The following MIS18BP1 variants were observed in gnomAD, a reference collection of about 807,000 sequenced individuals.
MIS18BP1 encodes MIS18 binding protein 1.
In MIS18BP1, 72 loss-of-function variants were observed where a neutral mutation model predicts 116.1. The observed-to-expected ratio is 0.62, with a 90% CI of 0.51 to 0.75. MIS18BP1 has a LOEUF of 0.75. MIS18BP1 is among the 30% of genes least tolerant of loss of function. The pLI, the probability that MIS18BP1 is intolerant of heterozygous loss-of-function variation, is 0.00. For missense variants in MIS18BP1, 1,363 were observed against 1,303.2 expected (o/e 1.05, Z -0.71); for synonymous variants, 386 against 427.0 (o/e 0.90, Z 1.18).
intron 15 of MIS18BP1, 31 bp from the exon 16 acceptor site, chr14:45,204,484 G>A (rs369664186): frequency 9.2e-5 from 138 of 1,505,370 alleles, no homozygotes; most frequent in Non-Finnish European, 5.4e-6. Flanking sequence ...ATAGCTAAAT[G>A]GTACCTCCTG....
chr14:45,212,519 C>G (rs1025258905), intron 13 of MIS18BP1, among the ~76,000 whole-genome samples: 13 of 152,122 alleles, frequency 8.5e-5, no homozygotes, highest in African/African-American at 2.7e-4. Flanking sequence ...TTAACTGTGT[C>G]TCTAAAATAA....
chr14:45,229,656 A>C (rs1324018872), intron 8 of MIS18BP1, among the ~76,000 whole-genome samples: 2 of 152,228 alleles, frequency 1.3e-5, no homozygotes, highest in Non-Finnish European at 2.9e-5. Flanking sequence ...ATTAAGATCA[A>C]ATCCCTAATA....
intron 6 of MIS18BP1, among the ~76,000 whole-genome samples, chr14:45,233,869 TG>T (rs1891352900): frequency 6.6e-6 from 1 of 152,152 alleles, no homozygotes; most frequent in East Asian, 1.9e-4. Context: ...GAAAATGAAT[TG>T]GGTACTAAGG....
At chr14:45,249,457 GTGATCCTTC>G (rs1891810724) in intron 1 of MIS18BP1, among the ~76,000 whole-genome samples, 1 of 152,220 alleles carries the variant, frequency 6.6e-6, no homozygotes, top group Admixed American at 6.5e-5. Context: ...CTGGGCTCAA[GTGATCCTTC>G]TGATTTGGCC....
intron 12 of MIS18BP1, 35 bp from the exon 13 acceptor site, chr14:45,217,214 G>C: frequency 6.2e-7 from 1 of 1,601,684 alleles, no homozygotes; most frequent in Non-Finnish European, 8.5e-7. Flanking sequence ...ATAAGGATTT[G>C]GTTATTTATA....
At position 45,211,775 on chromosome 14, in the gene MIS18BP1, G is replaced by C. The variant is rs899138998; in HGVS notation, c.3004-1247C>G. 5.9e-5 allele frequency among the ~76,000 whole-genome samples: 9 copies of C among 152,312 alleles called. 1 individual carries two copies. In the South Asian group the frequency reaches 1.7e-3, roughly 28 times the overall value. ...CACCTGTGAGTGCCAGCTGCTCATGGCTAGCTGACCCTGTAGTAAGAACAT... is the reference window on the plus strand; with the variant it reads ...CACCTGTGAGTGCCAGCTGCTCATGCCTAGCTGACCCTGTAGTAAGAACAT... On this transcript the variant is annotated intron_variant, in intron 13 of 16. Coordinates refer to ENST00000310806, the MANE Select transcript of MIS18BP1 (RefSeq NM_018353.5).
intron 1 of MIS18BP1, among the ~76,000 whole-genome samples, chr14:45,249,282 G>A (rs1481759488): frequency 6.6e-6 from 1 of 152,122 alleles, no homozygotes; most frequent in Non-Finnish European, 1.5e-5. Context: ...AGTAGAGACG[G>A]GGTTTCACCA....
chr14:45,206,075 A>T lies in MIS18BP1; in HGVS notation c.3240+8T>A. On this transcript the variant is annotated splice_region_variant and intron_variant, in intron 15 of 16. Transcript: ENST00000310806. Reference sequence around the variant, plus strand: ...ATAGATATGTATTGGATAAAGAAAAATACTTACTAATTTTTTCTTGATGTT... The same window carrying T: ...ATAGATATGTATTGGATAAAGAAAATTACTTACTAATTTTTTCTTGATGTT... The T allele has an allele frequency of 6.4e-7, 1 of 1,556,246 alleles. No individual in the cohort carries two copies. The highest frequency in any genetic ancestry group is 1.1e-5 in the South Asian group (1 of 88,100).
At position 45,242,439 on chromosome 14, in the gene MIS18BP1, C is replaced by T; in HGVS notation, c.738G>A (p.Leu246=). The change falls in exon 4 of 17, where the codon TTG becomes TTA. Residue 246 remains leucine (L), a synonymous_variant. Coordinates refer to ENST00000310806, the MANE Select transcript of MIS18BP1 (RefSeq NM_018353.5). ...CCTTTGAGTGAAAAATTTGTTTAGC[C>T]AACTGAGCTCTAGTTAATGTCTTGT... The part of the protein sequence containing the change: ...ARNKTLTRAQ[L]AKQIFHSKES... 1 of 1,613,648 alleles carries T rather than the reference C, an allele frequency of 6.2e-7. No homozygotes were observed. The highest frequency in any genetic ancestry group is 8.5e-7 in the Non-Finnish European group (1 of 1,179,906).
chr14:45,211,186 C>T (rs1232768547), intron 13 of MIS18BP1, among the ~76,000 whole-genome samples: 1 of 152,076 alleles, frequency 6.6e-6, no homozygotes, highest in Non-Finnish European at 1.5e-5. Context: ...ATGTTTTTAC[C>T]TAGACGCTTT....
chr14:45,245,604 T>C (rs1302637691), intron 2 of MIS18BP1, among the ~76,000 whole-genome samples: 1 of 152,102 alleles, frequency 6.6e-6, no homozygotes, highest in African/African-American at 2.4e-5. Flanking sequence ...CCTCAGGTGA[T>C]CCACTTGCCT....
intron 4 of MIS18BP1, among the ~76,000 whole-genome samples, chr14:45,238,940 C>T (rs1208666653): frequency 5.3e-5 from 8 of 152,012 alleles, no homozygotes; most frequent in Non-Finnish European, 1.0e-4. Flanking sequence ...GTTTTTAAGC[C>T]CCTTTTAAAT....
intron 14 of MIS18BP1, among the ~76,000 whole-genome samples, chr14:45,209,373 ATGGAGTGCAAT>A (rs938758848): frequency 1.3e-5 from 2 of 151,808 alleles, no homozygotes. Flanking sequence ...GTTGCCCAGG[ATGGAGTGCAAT>A]TGTTGCAATC....
intron 2 of MIS18BP1, among the ~76,000 whole-genome samples, 166 bp from the exon 3 acceptor site, chr14:45,243,040 C>T (rs1594526571): frequency 6.6e-6 from 1 of 152,060 alleles, no homozygotes; most frequent in East Asian, 1.9e-4. Context: ...ATATTTTTGG[C>T]TGTATTATCT....
rs1391907001 is a variant in MIS18BP1 at position 45,203,860 on chromosome 14, CTATA to C, written c.*245_*248del. 3.3e-5 allele frequency: 7 copies of C among 212,772 alleles called. No homozygotes were observed. In the East Asian group the frequency reaches 5.6e-4, roughly 17 times the overall value. 13.2% of individuals were successfully genotyped at this position (212,772 alleles called of 1,614,324 possible). A position where few individuals can be genotyped will look rare whatever the true frequency, so the allele number is the denominator to read the frequency against. On this transcript the variant is annotated 3_prime_UTR_variant, in exon 17 of 17. Transcript: ENST00000310806. ...ACTTGGATGCTTATTAAAAAATTAT[CTATA>C]TATATTTTAATATGCAAAAACAAAT...
chr14:45,226,335 ACTTG>A (rs1891121873), intron 10 of MIS18BP1, among the ~76,000 whole-genome samples: 1 of 152,182 alleles, frequency 6.6e-6, no homozygotes, highest in Admixed American at 6.5e-5. Context: ...GAAATTGTAA[ACTTG>A]CTAACATTTA....
At chr14:45,239,472 C>T (rs1220239379) in intron 4 of MIS18BP1, among the ~76,000 whole-genome samples, 2 of 151,344 alleles carry the variant, frequency 1.3e-5, no homozygotes, top group South Asian at 2.1e-4. Flanking sequence ...AGAGTCAGCG[C>T]AGAGATCCAG....
chr14:45,208,763 T>A (rs1456601289), intron 14 of MIS18BP1, among the ~76,000 whole-genome samples: 1 of 152,194 alleles, frequency 6.6e-6, no homozygotes, highest in Non-Finnish European at 1.5e-5. Flanking sequence ...CTAGGAAAAT[T>A]ATATTTTTAT....
intron 1 of MIS18BP1, among the ~76,000 whole-genome samples, chr14:45,248,032 G>A (rs1012340429): frequency 7.2e-5 from 10 of 139,520 alleles, no homozygotes; most frequent in African/African-American, 1.9e-4. Flanking sequence ...TTGAGTTTAC[G>A]TAGTTTTAGT....
Sources: allele counts gnomAD v4.1 joint callset (sites outside exome capture counted in the v4.1 genomes callset), GRCh38; gene constraint gnomAD v4.1.1; transcripts MANE v1.5; gene names NCBI Gene and HGNC (gene_info 2026-07-23, HGNC 2026-07-21).